KCNN2: variants seen among roughly 807,000 people sequenced by gnomAD.
KCNN2 encodes small conductance calcium-activated potassium channel protein 2.
Under a neutral mutation model 55.5 loss-of-function variants are expected in KCNN2, and 24 were observed. That is an observed-to-expected ratio of 0.43 (90% CI 0.31 to 0.61). The LOEUF is 0.61. Ranked by LOEUF, KCNN2 falls within the 20% of genes least tolerant of loss-of-function variation. The probability of loss-of-function intolerance (pLI) is 0.08; values close to 1 mark genes in which losing one functional copy is unlikely to be tolerated. For missense variants in KCNN2, 754 were observed against 853.6 expected (o/e 0.88, Z 1.45); for synonymous variants, 431 against 336.1 (o/e 1.28, Z -3.09).
At chr5:114,304,517 A>T (rs1420068589) in intron 2 of KCNN2, among the ~76,000 whole-genome samples, 1 of 152,202 alleles carries the variant, frequency 6.6e-6, no homozygotes, top group African/African-American at 2.4e-5. Context: ...TCCATCATCA[A>T]GTGCTTCATC....
chr5:114,429,321 A>G (rs961552474), intron 3 of KCNN2, among the ~76,000 whole-genome samples: 1 of 152,132 alleles, frequency 6.6e-6, no homozygotes, highest in Non-Finnish European at 1.5e-5. Context: ...TAAAAAGAAT[A>G]GAAAGGATCA....
intron 2 of KCNN2, among the ~76,000 whole-genome samples, chr5:114,241,704 GGA>G (rs1561536863): frequency 1.6e-5 from 1 of 62,290 alleles, no homozygotes; most frequent in African/African-American, 5.4e-5. Context: ...ATATATATGT[GGA>G]TATATATATA....
chr5:114,212,930 T>C (rs142297169), intron 1 of KCNN2, among the ~76,000 whole-genome samples: 376 of 152,164 alleles, frequency 2.5e-3, no homozygotes, highest in African/African-American at 8.7e-3. Flanking sequence ...CTATATCTTC[T>C]TACAATGTAG....
intron 1 of KCNN2, among the ~76,000 whole-genome samples, chr5:114,149,215 T>C (rs1297643479): frequency 6.6e-6 from 1 of 152,056 alleles, no homozygotes; most frequent in Non-Finnish European, 1.5e-5. Context: ...ATAATACCAG[T>C]TGACAAACCT....
chr5:114,166,078 A>C (rs886415794), intron 1 of KCNN2, among the ~76,000 whole-genome samples: 1 of 151,958 alleles, frequency 6.6e-6, no homozygotes, highest in African/African-American at 2.4e-5. Context: ...TTTTAGTAGA[A>C]ATGGGGTTTC....
chr5:114,474,784 A>G (rs1483391519), intron 5 of KCNN2, among the ~76,000 whole-genome samples: 1 of 152,172 alleles, frequency 6.6e-6, no homozygotes, highest in Admixed American at 6.6e-5. Context: ...TTTACCATGA[A>G]GATTATACAT....
chr5:114,225,079 G>C (rs535741422), intron 2 of KCNN2, among the ~76,000 whole-genome samples: 1 of 152,244 alleles, frequency 6.6e-6, no homozygotes, highest in South Asian at 2.1e-4. Flanking sequence ...ACCTGAAAAG[G>C]TTATTTGACT....
At chr5:114,382,004 A>C (rs1017098687) in intron 2 of KCNN2, among the ~76,000 whole-genome samples, 3 of 152,172 alleles carry the variant, frequency 2.0e-5, no homozygotes, top group African/African-American at 7.2e-5. Flanking sequence ...GATAGTATTC[A>C]TGGATCTGGA....
chr5:114,196,815 A>G (rs993625836), intron 1 of KCNN2, among the ~76,000 whole-genome samples: 3 of 151,660 alleles, frequency 2.0e-5, no homozygotes, highest in African/African-American at 7.3e-5. Context: ...GGTGTTCTCT[A>G]TTGCATTTTT....
At chr5:114,076,018 A>T (rs1750678929) in intron 1 of KCNN2, among the ~76,000 whole-genome samples, 2 of 152,218 alleles carry the variant, frequency 1.3e-5, no homozygotes, top group Non-Finnish European at 2.9e-5. Flanking sequence ...CTAGATTTAG[A>T]ATAGTTTGTT....
At chr5:114,308,740 G>A (rs1482501136) in intron 2 of KCNN2, among the ~76,000 whole-genome samples, 2 of 152,148 alleles carry the variant, frequency 1.3e-5, no homozygotes, top group Non-Finnish European at 2.9e-5. Context: ...CACCAAGAGA[G>A]CCCGCAGCTA....
intron 1 of KCNN2, among the ~76,000 whole-genome samples, chr5:114,107,507 C>T (rs1254768455): frequency 4.6e-5 from 7 of 152,030 alleles, no homozygotes; most frequent in Non-Finnish European, 1.0e-4. Flanking sequence ...ACCTCAGCCT[C>T]CTGAATAGCT....
chr5:114,305,649 G>C (rs1292969597), intron 2 of KCNN2, among the ~76,000 whole-genome samples: 1 of 152,114 alleles, frequency 6.6e-6, no homozygotes, highest in Admixed American at 6.5e-5. Context: ...TGCTGCTATG[G>C]CAAGGCACTG....
At chr5:114,262,771 C>T (rs939816265) in intron 2 of KCNN2, among the ~76,000 whole-genome samples, 3 of 152,214 alleles carry the variant, frequency 2.0e-5, no homozygotes, top group East Asian at 3.9e-4. Flanking sequence ...AGATGGACAG[C>T]GTGCCTGGAT....
chr5:114,194,454 G>A (rs1037094283), intron 1 of KCNN2, among the ~76,000 whole-genome samples: 4 of 152,020 alleles, frequency 2.6e-5, no homozygotes, highest in Non-Finnish European at 5.9e-5. Context: ...GGCTAATGAT[G>A]TTGAACATCA....
At chr5:114,096,581 A>C (rs1751259572) in intron 1 of KCNN2, among the ~76,000 whole-genome samples, 1 of 151,996 alleles carries the variant, frequency 6.6e-6, no homozygotes, top group Admixed American at 6.6e-5. Flanking sequence ...CCTGGATTTG[A>C]AGTTCTTACT....
At chr5:114,143,986 A>G (rs1395721186) in intron 1 of KCNN2, among the ~76,000 whole-genome samples, 1 of 152,194 alleles carries the variant, frequency 6.6e-6, no homozygotes, top group African/African-American at 2.4e-5. Flanking sequence ...GATCCTCCCA[A>G]AAATTTTACC....
chr5:114,495,786 C>T, intron 7 of KCNN2, 109 bp from the exon 8 acceptor site: 1 of 996,086 alleles, frequency 1.0e-6, no homozygotes, highest in Non-Finnish European at 1.5e-6. Context: ...GCTGACACCC[C>T]TGTTACACTG....
At chr5:114,494,098 C>T (rs1747991808) in intron 7 of KCNN2, among the ~76,000 whole-genome samples, 1 of 151,962 alleles carries the variant, frequency 6.6e-6, no homozygotes, top group Non-Finnish European at 1.5e-5. Flanking sequence ...TTTCTCCCCA[C>T]ATAAAACCCA....
Sources: gnomAD v4.1 joint callset for allele counts (sites outside exome capture counted in the v4.1 genomes callset) on GRCh38, gnomAD v4.1.1 for gene constraint, MANE v1.5 for transcripts, NCBI Gene and HGNC (gene_info 2026-07-23, HGNC 2026-07-21) for gene names.